The following CHSY3 variants were observed in gnomAD, a reference collection of about 807,000 sequenced individuals.
The protein encoded by CHSY3 is chondroitin sulfate synthase 3, also known as N-acetylgalactosaminyl-proteoglycan 3-beta-glucuronosyltransferase 3.
In CHSY3, 35 loss-of-function variants were observed where a neutral mutation model predicts 67.2. The observed-to-expected ratio is 0.52, with a 90% CI of 0.40 to 0.69. CHSY3 has a LOEUF of 0.69. Among genes scored for constraint, CHSY3 ranks in the 30% least tolerant of loss-of-function variants. The pLI is 0.00. For missense variants in CHSY3, 1,069 were observed against 1,138.5 expected (o/e 0.94, Z 0.88); for synonymous variants, 474 against 434.7 (o/e 1.09, Z -1.12).
intron 2 of CHSY3, among the ~76,000 whole-genome samples, chr5:129,952,056 G>A (rs770940991): frequency 4.6e-5 from 7 of 152,114 alleles, no homozygotes; most frequent in African/African-American, 9.7e-5. Flanking sequence ...TGGTATAGGC[G>A]ATAAGAACCC....
At chr5:129,914,333 G>C (rs892418919) in intron 2 of CHSY3, among the ~76,000 whole-genome samples, 2 of 152,010 alleles carry the variant, frequency 1.3e-5, no homozygotes, top group African/African-American at 4.8e-5. Context: ...GGATGGCCTC[G>C]AACTCCCAAC....
At chr5:130,114,349 T>C (rs1240054332) in intron 2 of CHSY3, 1 of 152,136 alleles carries the variant, frequency 6.6e-6, no homozygotes, top group Non-Finnish European at 1.5e-5. Flanking sequence ...ATTGCTGTTA[T>C]CCTAGTTTCT....
chr5:130,030,734 C>T (rs1277903651), intron 2 of CHSY3, among the ~76,000 whole-genome samples: 1 of 152,070 alleles, frequency 6.6e-6, no homozygotes, highest in Non-Finnish European at 1.5e-5. Flanking sequence ...TCCAGGTGGA[C>T]TCTACTAAGT....
intron 2 of CHSY3, chr5:130,114,604 C>G (rs557560800): frequency 6.6e-6 from 1 of 152,152 alleles, no homozygotes; most frequent in Non-Finnish European, 1.5e-5. Flanking sequence ...GTTCTTAGAA[C>G]AGCGTCTACT....
At chr5:129,903,986 C>A (rs921696012), upstream of CHSY3, among the ~76,000 whole-genome samples, 1 of 152,248 alleles carries the variant, frequency 6.6e-6, no homozygotes, top group East Asian at 1.9e-4. Context: ...CCAGGACGTA[C>A]CCGGCTGTGG....
intron 2 of CHSY3, among the ~76,000 whole-genome samples, chr5:130,042,100 G>T (rs1765020400): frequency 6.6e-6 from 1 of 152,016 alleles, no homozygotes; most frequent in Non-Finnish European, 1.5e-5. Context: ...GCTGGACATG[G>T]TGGCACATGC....
intron 2 of CHSY3, among the ~76,000 whole-genome samples, chr5:130,126,012 TATA>T (rs141094581): frequency 0.047 from 7,193 of 152,228 alleles, 436 homozygotes; most frequent in East Asian, 0.27. Context: ...TATTGGTCAT[TATA>T]ATAATACCTA....
chr5:130,030,695 A>G (rs139362428), intron 2 of CHSY3, among the ~76,000 whole-genome samples: 1 of 152,094 alleles, frequency 6.6e-6, no homozygotes, highest in Non-Finnish European at 1.5e-5. Context: ...TAGTAAAACT[A>G]TTATCTGAGA....
chr5:130,158,405 T>C (rs188854206), intron 2 of CHSY3, among the ~76,000 whole-genome samples: 1 of 152,224 alleles, frequency 6.6e-6, no homozygotes, highest in Non-Finnish European at 1.5e-5. Context: ...CTGTATCCTG[T>C]TCTTAAAGAA....
intron 2 of CHSY3, among the ~76,000 whole-genome samples, chr5:130,148,310 T>G (rs1024357950): frequency 1.2e-4 from 18 of 152,220 alleles, no homozygotes; most frequent in Non-Finnish European, 2.2e-4. Context: ...TATAGGCACT[T>G]AGGATTGATT....
At chr5:129,957,514 A>G (rs1414235004) in intron 2 of CHSY3, among the ~76,000 whole-genome samples, 1 of 152,104 alleles carries the variant, frequency 6.6e-6, no homozygotes, top group Non-Finnish European at 1.5e-5. Flanking sequence ...TGGGAGATAA[A>G]CTGAATGAAT....
intron 2 of CHSY3, among the ~76,000 whole-genome samples, chr5:129,994,581 T>C (rs1014640398): frequency 6.6e-6 from 1 of 152,210 alleles, no homozygotes; most frequent in East Asian, 1.9e-4. Context: ...CATGCTGCTA[T>C]AAAGACACAT....
rs148858879 is a variant in CHSY3 at position 129,913,745 on chromosome 5, C to T, written c.1086+5385C>T. Among the ~76,000 whole-genome samples, 396 of 152,168 alleles carry T rather than the reference C, an allele frequency of 2.6e-3. 2 individuals carry two copies. The highest frequency in any genetic ancestry group is 9.2e-3 in the African/African-American group (383 of 41,550). On this transcript the variant is annotated intron_variant, in intron 2 of 2. Coordinates refer to ENST00000305031, the MANE Select transcript of CHSY3 (RefSeq NM_175856.5). Reference sequence around the variant, plus strand: ...AGCCAAAGAAGATATCTATTTCATTCAATTAAATGTTATTTCAAAGACAGC... The same window carrying T: ...AGCCAAAGAAGATATCTATTTCATTTAATTAAATGTTATTTCAAAGACAGC...
At chr5:130,091,037 A>G (rs1363794079) in intron 2 of CHSY3, among the ~76,000 whole-genome samples, 2 of 151,880 alleles carry the variant, frequency 1.3e-5, no homozygotes, top group Non-Finnish European at 2.9e-5. Context: ...TGAATTATTT[A>G]TATCTCTTAT....
rs201087805 is a variant in CHSY3, at chr5:129,906,301, TC to T, written c.802+676del. Among the ~76,000 whole-genome samples, 853 of 150,148 alleles carry T rather than the reference TC, an allele frequency of 5.7e-3. 12 individuals are homozygous for T. The highest frequency in any genetic ancestry group is 0.02 in the African/African-American group (805 of 40,948). ...CAGTTCAGCACCAAGCCGTCCCCCATCCCCCCGCCACACCTCAATAAAACCC... is the reference window on the plus strand; with the variant it reads ...CAGTTCAGCACCAAGCCGTCCCCCATCCCCCGCCACACCTCAATAAAACCC... On this transcript the variant is annotated intron_variant, in intron 1 of 2. Transcript: ENST00000305031.
chr5:130,067,611 G>A (rs1206824227), intron 2 of CHSY3, among the ~76,000 whole-genome samples: 3 of 152,062 alleles, frequency 2.0e-5, no homozygotes. Flanking sequence ...ACTTTTATAA[G>A]AGAAAACAGC....
intron 2 of CHSY3, among the ~76,000 whole-genome samples, chr5:130,162,040 CAAAAAA>C (rs371228605): frequency 1.1e-4 from 7 of 65,058 alleles, no homozygotes; most frequent in Non-Finnish European, 2.1e-4. Context: ...GACCCTGTCT[CAAAAAA>C]AAAAAAAAAA....
At chr5:130,051,633 G>A (rs935804436) in intron 2 of CHSY3, among the ~76,000 whole-genome samples, 11 of 151,986 alleles carry the variant, frequency 7.2e-5, no homozygotes, top group Admixed American at 5.3e-4. Context: ...CATTACTAGA[G>A]TGATAAGCCA....
intron 2 of CHSY3, among the ~76,000 whole-genome samples, chr5:130,160,689 T>A (rs1358397615): frequency 2.0e-5 from 3 of 152,214 alleles, no homozygotes; most frequent in East Asian, 1.9e-4. Flanking sequence ...CCTATGCTGC[T>A]TTCAACTCTT....
Sources: allele counts gnomAD v4.1 joint callset (sites outside exome capture counted in the v4.1 genomes callset), GRCh38; gene constraint gnomAD v4.1.1; transcripts MANE v1.5; gene names NCBI Gene and HGNC (gene_info 2026-07-23, HGNC 2026-07-21).